The following KCNG2 variants were observed in gnomAD, a reference collection of about 807,000 sequenced individuals.
The protein encoded by KCNG2 is potassium voltage-gated channel modifier subfamily G member 2.
KCNG2 carries 7 observed loss-of-function variants against 12.3 expected under a neutral mutation model. The ratio of observed to expected loss-of-function variants is 0.57; its 90% confidence interval spans 0.32 to 1.07. KCNG2 has a LOEUF of 1.07. KCNG2 is among the 50% of genes least tolerant of loss of function. The pLI is 0.04. For missense variants in KCNG2, 703 were observed against 726.0 expected (o/e 0.97, Z 0.36); for synonymous variants, 414 against 351.4 (o/e 1.18, Z -1.99).
At chr18:79,853,429 G>A (rs948887490) in intron 1 of KCNG2, among the ~76,000 whole-genome samples, 1 of 152,156 alleles carries the variant, frequency 6.6e-6, no homozygotes, top group Non-Finnish European at 1.5e-5. Context: ...GAATGGCTGT[G>A]CTGAGGCCTG....
At chr18:79,829,128 A>G (rs1372931174) in intron 1 of KCNG2, among the ~76,000 whole-genome samples, 1 of 119,760 alleles carries the variant, frequency 8.4e-6, no homozygotes, top group Non-Finnish European at 1.7e-5. Context: ...TGATGTGTGC[A>G]TGTGTCTGTG....
chr18:79,882,617 C>T (rs1980341928), intron 3 of KCNG2, among the ~76,000 whole-genome samples: 1 of 152,274 alleles, frequency 6.6e-6, no homozygotes, highest in Admixed American at 6.5e-5. Context: ...GCCACAGGAG[C>T]TGTCACTCAC....
Position 79,899,549 on chromosome 18 carries a change from C to A in KCNG2, c.1134C>A (p.Arg378=). The A allele has an allele frequency of 6.2e-7, 1 of 1,603,758 alleles. No individual in the cohort carries two copies. The highest frequency in any genetic ancestry group is 1.1e-5 in the South Asian group (1 of 89,570). ...TTVGYGDMVP[R]SLPGQVVALS... ...TGGGCTACGGCGACATGGTCCCGCG[C>A]AGCCTGCCCGGGCAGGTGGTGGCGC... The change falls in exon 4 of 4, where the codon CGC becomes CGA. Residue 378 remains arginine, a synonymous_variant. Coordinates refer to ENST00000316249, the MANE Select transcript of KCNG2 (RefSeq NM_012283.2).
intron 3 of KCNG2, among the ~76,000 whole-genome samples, chr18:79,893,154 T>C (rs891584042): frequency 4.6e-5 from 7 of 151,948 alleles, no homozygotes; most frequent in African/African-American, 1.7e-4. Flanking sequence ...TCACATCTAA[T>C]GTTATGATTG....
intron 1 of KCNG2, among the ~76,000 whole-genome samples, chr18:79,848,975 G>C (rs1293113768): frequency 6.6e-6 from 1 of 152,152 alleles, no homozygotes; most frequent in Admixed American, 6.5e-5. Context: ...TGTGTTTGTT[G>C]AATCAACAAA....
intron 1 of KCNG2, among the ~76,000 whole-genome samples, chr18:79,831,582 C>G (rs1410897023): frequency 1.7e-5 from 2 of 115,518 alleles, no homozygotes; most frequent in Admixed American, 8.9e-5. Flanking sequence ...TCGTCAGGAG[C>G]GTGCCCTGCG....
chr18:79,855,410 C>T (rs953822722), intron 1 of KCNG2, among the ~76,000 whole-genome samples: 5 of 152,106 alleles, frequency 3.3e-5, no homozygotes, highest in Admixed American at 2.0e-4. Context: ...GCAGACCTTG[C>T]GGGCTGCCCT....
chr18:79,879,399 G>A (rs1046215647), intron 3 of KCNG2, among the ~76,000 whole-genome samples: 3 of 152,216 alleles, frequency 2.0e-5, no homozygotes, highest in African/African-American at 7.2e-5. Flanking sequence ...ATAGACATGG[G>A]GCTTGGGGAA....
chr18:79,819,623 C>T lies in KCNG2; in HGVS notation c.-115+21609C>T, dbSNP rs140779128. On this transcript the variant is annotated intron_variant, in intron 1 of 3. Transcript: ENST00000316249. ...TGAGCTGAGCGCTCAGCCAAGGACC[C>T]GGCCAGGCCTCACAGCCAGCAGGCT... Among the ~76,000 whole-genome samples the T allele has an allele frequency of 2.1e-4, 32 of 152,336 alleles. 2 individuals carry two copies. In the South Asian group the frequency reaches 5.8e-3, roughly 28 times the overall value.
rs971883927 is a variant in KCNG2, at chr18:79,899,128, T to A, written c.713T>A (p.Leu238Gln). The A allele has an allele frequency of 6.2e-7, 1 of 1,607,484 alleles. No individual in the cohort carries two copies. Among genetic ancestry groups the A allele is most frequent in the Non-Finnish European group, 8.5e-7 (1 of 1,179,350 alleles). ...WFSFEFLLRS[L>Q]QAESKCAFLR... ...TCCTTCGAGTTCCTGCTGCGCTCCC[T>A]GCAGGCCGAGAGCAAGTGCGCCTTC... Residue 238 changes from leucine (L) to glutamine (Q), a missense_variant, in exon 4 of 4, where the codon CTG (leucine) becomes CAG (glutamine). Transcript: ENST00000316249.
chr18:79,817,153 A>G (rs2087535280), intron 1 of KCNG2, among the ~76,000 whole-genome samples: 1 of 151,508 alleles, frequency 6.6e-6, no homozygotes, highest in Non-Finnish European at 1.5e-5. Context: ...TGGATGTTAC[A>G]CGGCTGTCAT....
chr18:79,856,388 G>A lies in KCNG2; in HGVS notation c.-105G>A, dbSNP rs1376348554. On this transcript the variant is annotated 5_prime_UTR_variant, in exon 2 of 4. Transcript: ENST00000316249. ...GATGTTCATTTTCCAGGTCGAAGCC[G>A]CTGGTCTCAGCTGTGTTTTCACCGG... 2.6e-5 allele frequency among the ~76,000 whole-genome samples: 4 copies of A among 152,216 alleles called. No homozygotes were observed. Among genetic ancestry groups the A allele is most frequent in the Non-Finnish European group, 4.4e-5 (3 of 68,034 alleles).
chr18:79,863,641 G>C lies in KCNG2; in HGVS notation c.-27G>C. ...TTCCTTTTGCAGGAGCCGGGCAGGA[G>C]CCCCTCGGTCCGGTCCGGCCCTGCG... On this transcript the variant is annotated 5_prime_UTR_variant, in exon 3 of 4. Coordinates refer to ENST00000316249, the MANE Select transcript of KCNG2 (RefSeq NM_012283.2). The C allele has an allele frequency of 8.2e-7, 1 of 1,213,394 alleles. No homozygotes were observed. Among genetic ancestry groups the C allele is most frequent in the Non-Finnish European group, 1.0e-6 (1 of 974,518 alleles). 75.2% of individuals were successfully genotyped at this position (1,213,394 alleles called of 1,614,324 possible). A position where few individuals can be genotyped will look rare whatever the true frequency, so the allele number is the denominator to read the frequency against.
At chr18:79,823,236 C>T (rs369153498) in intron 1 of KCNG2, among the ~76,000 whole-genome samples, 9 of 152,218 alleles carry the variant, frequency 5.9e-5, no homozygotes, top group African/African-American at 1.9e-4. Context: ...TAGACACCCG[C>T]GTTTACTCAG....
At chr18:79,889,891 G>T (rs573130132) in intron 3 of KCNG2, among the ~76,000 whole-genome samples, 15 of 152,168 alleles carry the variant, frequency 9.9e-5, no homozygotes, top group Non-Finnish European at 1.9e-4. Flanking sequence ...CCCTTTTTGC[G>T]GAGGTTTCCT....
chr18:79,876,511 G>A (rs1364638072), intron 3 of KCNG2, among the ~76,000 whole-genome samples: 2 of 152,228 alleles, frequency 1.3e-5, no homozygotes, highest in East Asian at 3.8e-4. Flanking sequence ...GTGCTGAGCC[G>A]TTGTTCGACC....
intron 1 of KCNG2, among the ~76,000 whole-genome samples, chr18:79,843,551 G>A (rs966106613): frequency 7.2e-5 from 11 of 152,126 alleles, no homozygotes; most frequent in Non-Finnish European, 7.4e-5. Flanking sequence ...ATTTGTTAAT[G>A]GATACATAAT....
intron 1 of KCNG2, among the ~76,000 whole-genome samples, chr18:79,810,494 C>A (rs1207700049): frequency 6.6e-6 from 1 of 152,146 alleles, no homozygotes; most frequent in African/African-American, 2.4e-5. Flanking sequence ...ACAAAGTAGC[C>A]AGATGCAGTG....
Position 79,899,585 on chromosome 18 carries a change from C to A in KCNG2, c.1170C>A (p.Ile390=). The A allele has an allele frequency of 6.3e-7, 1 of 1,599,586 alleles. No homozygotes were observed. Among genetic ancestry groups the A allele is most frequent in the Non-Finnish European group, 8.5e-7 (1 of 1,172,864 alleles). Residue 390 remains isoleucine, a synonymous_variant, in exon 4 of 4, where the codon ATC becomes ATA. Transcript: ENST00000316249. ...GGCAGGTGGTGGCGCTCAGCAGCAT[C>A]CTCAGCGGCATCCTGCTCATGGCCT... ...LPGQVVALSS[I]LSGILLMAFP... is the part of the protein sequence containing the mutation.
Sources: allele counts gnomAD v4.1 joint callset (sites outside exome capture counted in the v4.1 genomes callset), GRCh38; gene constraint gnomAD v4.1.1; transcripts MANE v1.5; gene names NCBI Gene and HGNC (gene_info 2026-07-23, HGNC 2026-07-21).